Variants in CEP135 observed in about 807,000 individuals in gnomAD.
CEP135 encodes the protein centrosomal protein 135.
In CEP135, 142 loss-of-function variants were observed where a neutral mutation model predicts 157.3. The ratio of observed to expected loss-of-function variants is 0.90; its 90% CI spans 0.79 to 1.04. The LOEUF (loss-of-function observed/expected upper bound fraction) is 1.04, where lower values mean the gene tolerates loss of function less well. Ranked by LOEUF, CEP135 falls within the 50% of genes least tolerant of loss-of-function variation. The pLI, the probability that CEP135 is intolerant of heterozygous loss-of-function variation, is 0.00. For missense variants in CEP135, 1,317 were observed against 1,309.2 expected (o/e 1.01, Z -0.09); for synonymous variants, 396 against 439.8 (o/e 0.90, Z 1.25).
At position 55,985,384 on chromosome 4, in the gene CEP135, T is replaced by C. The variant is rs761808841; in HGVS notation, c.1857+26T>C. On this transcript the variant is annotated intron_variant, in intron 14 of 25. Coordinates refer to ENST00000257287, the MANE Select transcript of CEP135 (RefSeq NM_025009.5). ...GTAATGTATCAAACTGGATTTGGGGTATCTTGTGTTATATGAATAACTATG... is the reference window on the plus strand; with the variant it reads ...GTAATGTATCAAACTGGATTTGGGGCATCTTGTGTTATATGAATAACTATG... 2.4e-6 allele frequency: 3 copies of C among 1,230,902 alleles called. No individual in the cohort carries two copies. The South Asian group carries it at 4.2e-5, about 17-fold the overall frequency. The allele number at this position is 1,230,902 out of a possible 1,614,324, so 76.2% of individuals were successfully genotyped here.
At chr4:55,958,276 A>T (rs1728566490) in intron 5 of CEP135, among the ~76,000 whole-genome samples, 1 of 152,138 alleles carries the variant, frequency 6.6e-6, no homozygotes, top group Non-Finnish European at 1.5e-5. Context: ...CTCTACAAAA[A>T]ATTTAAAAAT....
chr4:55,993,035 T>G (rs1291267593), intron 15 of CEP135, among the ~76,000 whole-genome samples: 1 of 152,148 alleles, frequency 6.6e-6, no homozygotes, highest in Non-Finnish European at 1.5e-5. Context: ...TGTGAAACAT[T>G]TAGTCATGAA....
At chr4:55,990,535 G>T (rs1056616751) in intron 14 of CEP135, among the ~76,000 whole-genome samples, 10 of 152,120 alleles carry the variant, frequency 6.6e-5, no homozygotes, top group African/African-American at 2.2e-4. Context: ...TTGCTCTGTT[G>T]CCCAGGCCGG....
chr4:55,959,594 G>C, intron 5 of CEP135, 88 bp from the exon 6 acceptor site: 1 of 1,127,314 alleles, frequency 8.9e-7, no homozygotes, highest in South Asian at 1.3e-5. Flanking sequence ...TGAAAGTATA[G>C]AATTTATGAA....
Position 56,017,750 on chromosome 4 carries a change from A to G in CEP135, c.2905A>G (p.Thr969Ala), listed in dbSNP as rs748401129. 9 of 1,614,034 alleles carry G rather than the reference A, an allele frequency of 5.6e-6. No homozygotes were observed. Among genetic ancestry groups the G allele is most frequent in the Admixed American group, 1.7e-5 (1 of 60,018 alleles). ...GAGACATCAAGAAGATGAGAAAGCA[A>G]CAGTATTAAATGACTTGTCATCTCT... is the stretch of plus-strand genomic sequence containing the variant. ...ELRHQEDEKA[T>A]VLNDLSSLRE... The change falls in exon 22 of 26, where the codon ACA becomes GCA. Residue 969 changes from threonine (T) to alanine (A), a missense_variant. By Grantham distance (58) the Thr-to-Ala change is moderately conservative. Coordinates refer to ENST00000257287, the MANE Select transcript of CEP135 (RefSeq NM_025009.5).
chr4:55,972,327 C>T (rs1054938332), intron 10 of CEP135, among the ~76,000 whole-genome samples: 3 of 152,086 alleles, frequency 2.0e-5, no homozygotes, highest in Non-Finnish European at 4.4e-5. Flanking sequence ...ACTAATGGCA[C>T]ATAAATTAAG....
intron 6 of CEP135, among the ~76,000 whole-genome samples, chr4:55,961,958 T>C (rs990415134): frequency 6.6e-6 from 1 of 152,028 alleles, no homozygotes; most frequent in African/African-American, 2.4e-5. Flanking sequence ...CTTTTTTCCT[T>C]AGGACCTTAC....
intron 24 of CEP135, among the ~76,000 whole-genome samples, chr4:56,023,353 G>A (rs1178138357): frequency 6.6e-6 from 1 of 152,050 alleles, no homozygotes; most frequent in Non-Finnish European, 1.5e-5. Flanking sequence ...GTAGTGTCAT[G>A]CAAGCTAAGG....
intron 15 of CEP135, among the ~76,000 whole-genome samples, chr4:55,995,531 C>T (rs1729942325): frequency 6.6e-6 from 1 of 152,102 alleles, no homozygotes; most frequent in South Asian, 2.1e-4. Flanking sequence ...TAACACTGCC[C>T]TTGTAGCTTG....
intron 24 of CEP135, among the ~76,000 whole-genome samples, chr4:56,021,995 C>T (rs2109748730): frequency 6.6e-6 from 1 of 152,142 alleles, no homozygotes; most frequent in East Asian, 1.9e-4. Flanking sequence ...GTGCCACTGC[C>T]CTCCAGCCTG....
chr4:55,949,331 C>T (rs554027169), intron 1 of CEP135, among the ~76,000 whole-genome samples: 1 of 152,112 alleles, frequency 6.6e-6, no homozygotes, highest in South Asian at 2.1e-4. Context: ...CGTCAAGGAG[C>T]GTCTGTGTGG....
At chr4:55,954,545 G>T (rs1728452908) in intron 4 of CEP135, among the ~76,000 whole-genome samples, 162 bp downstream of exon 4, 1 of 152,150 alleles carries the variant, frequency 6.6e-6, no homozygotes, top group Non-Finnish European at 1.5e-5. Flanking sequence ...TATTTCTAAT[G>T]ATCCGGGTAG....
Position 56,019,564 on chromosome 4 carries a change from C to G in CEP135, c.3215+9C>G. 3.8e-6 allele frequency: 6 copies of G among 1,587,854 alleles called. No individual in the cohort carries two copies. The highest frequency in any genetic ancestry group is 4.3e-6 in the Non-Finnish European group (5 of 1,166,380). On this transcript the variant is annotated intron_variant, in intron 23 of 25. Transcript: ENST00000257287. The stretch of plus-strand genomic sequence containing the variant: ...CTTTCTGAAAGCAAATTGTAAGTGT[C>G]TTAAGTCAACTTATGCAAAGACAAT...
intron 4 of CEP135, 101 bp from the exon 5 acceptor site, chr4:55,957,122 A>T (rs755088773): frequency 9.8e-6 from 12 of 1,224,152 alleles, no homozygotes; most frequent in Non-Finnish European, 1.4e-5. Context: ...TGTATTATGA[A>T]CTGCAGACAC....
chr4:55,977,034 C>T lies in CEP135; in HGVS notation c.1473+2065C>T, dbSNP rs142087460. Among the ~76,000 whole-genome samples the T allele has an allele frequency of 4.7e-3, 711 of 151,608 alleles. 4 individuals carry two copies. Among genetic ancestry groups the T allele is most frequent in the Middle Eastern group, 0.01 (3 of 294 alleles). On this transcript the variant is annotated intron_variant, in intron 11 of 25. Coordinates refer to ENST00000257287, the MANE Select transcript of CEP135 (RefSeq NM_025009.5). ...ATAGGGTTTTTCCATGTTGCCCAGG[C>T]TGGTTTCAAACACCTGATCTCAAGT...
intron 3 of CEP135, among the ~76,000 whole-genome samples, chr4:55,953,594 T>C (rs1057180408): frequency 1.3e-5 from 2 of 152,158 alleles, no homozygotes; most frequent in Non-Finnish European, 1.5e-5. Flanking sequence ...AGAAGGAAAA[T>C]AAATGTGCAT....
rs554444201 is a variant in CEP135, at chr4:55,975,445, G to T, written c.1473+476G>T. ...GTACTATGGGAGATAGATAGAAATG[G>T]CAAGTGAGTGCTGGGGAGATTGTTT... On this transcript the variant is annotated intron_variant, in intron 11 of 25. Coordinates refer to ENST00000257287, the MANE Select transcript of CEP135 (RefSeq NM_025009.5). 3.3e-5 allele frequency among the ~76,000 whole-genome samples: 5 copies of T among 152,296 alleles called. No homozygotes were observed. In the East Asian group the frequency reaches 9.6e-4, roughly 29 times the overall value.
At chr4:55,966,249 A>G (rs923017814) in intron 8 of CEP135, 4 of 178,064 alleles carry the variant, frequency 2.2e-5, no homozygotes, top group South Asian at 1.2e-4. Flanking sequence ...CTGGAGTGCA[A>G]TGGTGTGATC....
intron 8 of CEP135, among the ~76,000 whole-genome samples, chr4:55,966,916 A>C (rs1560401663): frequency 1.3e-5 from 2 of 152,158 alleles, no homozygotes; most frequent in Non-Finnish European, 2.9e-5. Context: ...TTTTAAATAT[A>C]ATATCTTAAA....
Sources: gnomAD v4.1 joint callset for allele counts (sites outside exome capture counted in the v4.1 genomes callset) on GRCh38, gnomAD v4.1.1 for gene constraint, MANE v1.5 for transcripts, NCBI Gene and HGNC (gene_info 2026-07-23, HGNC 2026-07-21) for gene names.